The following TMEM135 variants were observed in gnomAD, a reference collection of about 807,000 sequenced individuals.
The protein encoded by TMEM135 is peroxisomal membrane protein 52.
TMEM135 carries 30 observed loss-of-function variants against 60.3 expected under a neutral mutation model. The ratio of observed to expected loss-of-function variants is 0.50; its 90% CI spans 0.37 to 0.68. The LOEUF (loss-of-function observed/expected upper bound fraction) is 0.68, where lower values mean the gene tolerates loss of function less well. Among genes scored for constraint, TMEM135 ranks in the 30% least tolerant of loss-of-function variants. TMEM135 has a pLI of 0.00. For synonymous variants in TMEM135, 190 were observed against 186.7 expected, an observed-to-expected ratio of 1.02 and a Z score of -0.14; for missense variants, 468 against 548.8, an observed-to-expected ratio of 0.85 and a Z score of 1.47.
At chr11:87,168,753 A>T (rs1054988699) in intron 5 of TMEM135, among the ~76,000 whole-genome samples, 3 of 152,262 alleles carry the variant, frequency 2.0e-5, no homozygotes, top group Admixed American at 6.5e-5. Context: ...AAGAAGTTCT[A>T]TGTGGTGCTG....
intron 6 of TMEM135, among the ~76,000 whole-genome samples, chr11:87,273,621 G>C (rs1369403892): frequency 6.6e-6 from 1 of 152,132 alleles, no homozygotes; most frequent in Non-Finnish European, 1.5e-5. Flanking sequence ...CACCAAGCTG[G>C]AGAAGGGAGA....
intron 4 of TMEM135, among the ~76,000 whole-genome samples, chr11:87,092,568 T>A (rs1254358181): frequency 6.6e-6 from 1 of 152,206 alleles, no homozygotes; most frequent in Non-Finnish European, 1.5e-5. Flanking sequence ...GACTTTTAAT[T>A]GTAATGAAAT....
intron 4 of TMEM135, among the ~76,000 whole-genome samples, chr11:87,133,985 C>G (rs993757710): frequency 6.6e-6 from 1 of 151,342 alleles, no homozygotes; most frequent in Non-Finnish European, 1.5e-5. Flanking sequence ...CTACAGAATT[C>G]ACATACAAGT....
At chr11:87,065,842 A>C (rs1321847887) in intron 1 of TMEM135, among the ~76,000 whole-genome samples, 1 of 152,206 alleles carries the variant, frequency 6.6e-6, no homozygotes, top group Non-Finnish European at 1.5e-5. Context: ...TAATTTTTGC[A>C]TAAAGTGTGA....
intron 4 of TMEM135, among the ~76,000 whole-genome samples, chr11:87,141,243 G>T (rs186439908): frequency 6.6e-5 from 10 of 151,818 alleles, no homozygotes; most frequent in Admixed American, 6.6e-4. Context: ...ACTTTCTTAG[G>T]TTTTTAATTT....
intron 5 of TMEM135, among the ~76,000 whole-genome samples, chr11:87,219,012 T>G (rs769405922): frequency 3.9e-5 from 6 of 152,208 alleles, no homozygotes; most frequent in Non-Finnish European, 5.9e-5. Flanking sequence ...AAAACATATA[T>G]GCATACTTTA....
chr11:87,144,882 A>G (rs779986725), intron 4 of TMEM135, among the ~76,000 whole-genome samples: 34 of 152,178 alleles, frequency 2.2e-4, no homozygotes, highest in Middle Eastern at 3.2e-3. Flanking sequence ...GTTATAATCT[A>G]TGAATACAAT....
intron 4 of TMEM135, among the ~76,000 whole-genome samples, chr11:87,106,641 T>C (rs1157348026): frequency 6.6e-6 from 1 of 152,176 alleles, no homozygotes; most frequent in East Asian, 1.9e-4. Flanking sequence ...TTGGTATTAG[T>C]TTTTCTGTAA....
intron 6 of TMEM135, among the ~76,000 whole-genome samples, chr11:87,265,258 T>A (rs1460810980): frequency 3.3e-5 from 5 of 151,962 alleles, no homozygotes; most frequent in African/African-American, 1.2e-4. Context: ...TTTGGAATCT[T>A]TACACTCTGA....
At chr11:87,054,567 G>A (rs887419997) in intron 1 of TMEM135, among the ~76,000 whole-genome samples, 5 of 152,198 alleles carry the variant, frequency 3.3e-5, no homozygotes, top group Non-Finnish European at 7.3e-5. Context: ...TTATAAGAAT[G>A]CTGAATTTTT....
At chr11:87,313,280 A>G in intron 10 of TMEM135, 145 bp from the exon 11 acceptor site, 1 of 613,126 alleles carries the variant, frequency 1.6e-6, no homozygotes, top group East Asian at 2.8e-5. Flanking sequence ...AATTTTTCCA[A>G]TCATGTATGC....
At chr11:87,296,254 A>G (rs570767965) in intron 7 of TMEM135, among the ~76,000 whole-genome samples, 32 of 152,346 alleles carry the variant, frequency 2.1e-4, no homozygotes, top group African/African-American at 7.2e-4. Flanking sequence ...CTCATAGCCC[A>G]TCTTTTAGCA....
Position 87,322,924 on chromosome 11 carries a change from A to C in TMEM135, c.*1591A>C. ...GGATCATTTCGGTTTCAGACTTCAAAGTTGATTAATAAATTTAATCTTAAC... is the reference window on the plus strand; with the variant it reads ...GGATCATTTCGGTTTCAGACTTCAACGTTGATTAATAAATTTAATCTTAAC... On this transcript the variant is annotated 3_prime_UTR_variant, in exon 15 of 15. Coordinates refer to ENST00000305494, the MANE Select transcript of TMEM135 (RefSeq NM_022918.4). 2.2e-6 allele frequency: 1 copy of C among 454,436 alleles called. No individual in the cohort carries two copies. The allele number at this position is 454,436 out of a possible 1,614,324, so 28.2% of individuals were successfully genotyped here.
chr11:87,138,656 G>A (rs1455586821), intron 4 of TMEM135, among the ~76,000 whole-genome samples: 1 of 152,146 alleles, frequency 6.6e-6, no homozygotes, highest in Non-Finnish European at 1.5e-5. Flanking sequence ...ATTCTAGTGA[G>A]AATTGTAAAT....
At chr11:87,181,809 T>C (rs1939522644) in intron 5 of TMEM135, among the ~76,000 whole-genome samples, 1 of 152,134 alleles carries the variant, frequency 6.6e-6, no homozygotes, top group African/African-American at 2.4e-5. Flanking sequence ...ACACTTTGGT[T>C]CTAATGATTT....
At chr11:87,107,590 G>A (rs1013396714) in intron 4 of TMEM135, among the ~76,000 whole-genome samples, 2 of 152,136 alleles carry the variant, frequency 1.3e-5, no homozygotes, top group Non-Finnish European at 2.9e-5. Flanking sequence ...CAAAGGACAT[G>A]AACTCATCTT....
intron 5 of TMEM135, among the ~76,000 whole-genome samples, chr11:87,226,009 C>T (rs1940757921): frequency 6.6e-6 from 1 of 152,054 alleles, no homozygotes; most frequent in Non-Finnish European, 1.5e-5. Flanking sequence ...TCTTTAAACT[C>T]TCCCATGGCT....
intron 5 of TMEM135, among the ~76,000 whole-genome samples, chr11:87,205,324 T>C (rs1940210597): frequency 6.6e-6 from 1 of 152,194 alleles, no homozygotes; most frequent in African/African-American, 2.4e-5. Context: ...GGATTTTTAG[T>C]AGGCAATAAG....
In TMEM135 at chr11:87,323,106, AT is replaced by A; in HGVS notation, c.*1775del. 2.2e-6 allele frequency: 1 copy of A among 453,712 alleles called. No individual in the cohort carries two copies. The highest frequency in any genetic ancestry group is 4.4e-6 in the Non-Finnish European group (1 of 226,596). The allele number at this position is 453,712 out of a possible 1,614,324, so 28.1% of individuals were successfully genotyped here. ...AAAAAGATGTTTTAATTCATAAATT[AT>A]TGTTTTCATTGACATTAAAAGACTG... On this transcript the variant is annotated 3_prime_UTR_variant, in exon 15 of 15. Transcript: ENST00000305494.
Sources: gnomAD v4.1 joint callset for allele counts (sites outside exome capture counted in the v4.1 genomes callset) on GRCh38, gnomAD v4.1.1 for gene constraint, MANE v1.5 for transcripts, NCBI Gene and HGNC (gene_info 2026-07-23, HGNC 2026-07-21) for gene names.